The following PTH2R variants were observed in gnomAD, a reference collection of about 807,000 sequenced individuals.
PTH2R encodes parathyroid hormone 2 receptor.
A neutral mutation model predicts 60.3 loss-of-function variants in PTH2R; 59 were observed. That is an observed-to-expected ratio of 0.98 (90% CI 0.79 to 1.22). PTH2R has a LOEUF of 1.22. Ranked by LOEUF, PTH2R falls within the 50% of genes most tolerant of loss-of-function variation. The pLI, the probability that PTH2R is intolerant of heterozygous loss-of-function variation, is 0.00. For synonymous variants in PTH2R, 256 were observed against 243.8 expected, an observed-to-expected ratio of 1.05 and a Z score of -0.47; for missense variants, 749 against 682.6, an observed-to-expected ratio of 1.10 and a Z score of -1.08.
chr2:208,433,028 G>A (rs980894769), intron 2 of PTH2R, among the ~76,000 whole-genome samples: 1 of 152,032 alleles, frequency 6.6e-6, no homozygotes, highest in Non-Finnish European at 1.5e-5. Flanking sequence ...CAATCAAGTT[G>A]ACCCTAATAT....
chr2:208,424,448 C>T (rs1279296481), intron 1 of PTH2R, among the ~76,000 whole-genome samples: 1 of 152,128 alleles, frequency 6.6e-6, no homozygotes, highest in African/African-American at 2.4e-5. Flanking sequence ...TCCCATTATC[C>T]AGCAAATCAT....
intron 1 of PTH2R, among the ~76,000 whole-genome samples, chr2:208,387,017 CTATTTT>C (rs1341220988): frequency 6.6e-6 from 1 of 152,120 alleles, no homozygotes; most frequent in Admixed American, 6.5e-5. Context: ...CAATTTTAAT[CTATTTT>C]TATCTTTTCT....
In PTH2R at chr2:208,454,967, A is replaced by G. The variant is rs114607423; in HGVS notation, c.914+4158A>G. On this transcript the variant is annotated intron_variant, in intron 8 of 12. Coordinates refer to ENST00000272847, the MANE Select transcript of PTH2R (RefSeq NM_005048.4). ...CACTGTTCCTGAAAATTAGAACTGT[A>G]CAGAGTCATTGTCTTTAGGTGCAGC... is the stretch of plus-strand genomic sequence containing the variant. Among the ~76,000 whole-genome samples the G allele has an allele frequency of 7.4e-3, 1,120 of 152,332 alleles. 10 individuals carry two copies. Among genetic ancestry groups the G allele is most frequent in the African/African-American group, 0.025 (1,057 of 41,578 alleles).
At chr2:208,433,489 C>G (rs868680498) in intron 2 of PTH2R, among the ~76,000 whole-genome samples, 36 of 152,178 alleles carry the variant, frequency 2.4e-4, no homozygotes, top group African/African-American at 8.7e-4. Flanking sequence ...AGCTGTCAGA[C>G]TGTCTATACT....
intron 1 of PTH2R, among the ~76,000 whole-genome samples, chr2:208,427,506 G>A (rs1027106604): frequency 8.6e-5 from 13 of 151,816 alleles, no homozygotes; most frequent in African/African-American, 2.7e-4. Flanking sequence ...AAAAAAAATC[G>A]TTAAAGTAAA....
chr2:208,424,496 A>G (rs1478741827), intron 1 of PTH2R, among the ~76,000 whole-genome samples: 1 of 152,194 alleles, frequency 6.6e-6, no homozygotes, highest in African/African-American at 2.4e-5. Context: ...GCCCTGCTCC[A>G]CTTGCCAAGG....
chr2:208,420,419 T>C lies in PTH2R; in HGVS notation c.76-7782T>C, dbSNP rs976264303. On this transcript the variant is annotated intron_variant, in intron 1 of 12. Transcript: ENST00000272847. ...CCATGAGCATTGTATGAGGCTATTT[T>C]TTCCACACATATTTGCCAGCAGAAT... Among the ~76,000 whole-genome samples, 14 of 152,244 alleles carry C rather than the reference T, an allele frequency of 9.2e-5. No homozygotes were observed. The East Asian group carries it at 1.3e-3, about 15-fold the overall frequency.
intron 9 of PTH2R, among the ~76,000 whole-genome samples, chr2:208,470,278 T>C (rs1442319444): frequency 6.6e-6 from 1 of 152,194 alleles, no homozygotes; most frequent in East Asian, 1.9e-4. Flanking sequence ...TGTGTTACTC[T>C]CCCCATTCAC....
At chr2:208,462,093 TTG>T (rs1356711794) in intron 9 of PTH2R, among the ~76,000 whole-genome samples, 2 of 152,366 alleles carry the variant, frequency 1.3e-5, no homozygotes, top group East Asian at 3.9e-4. Context: ...AGTTACCTTT[TTG>T]TTTCATTATT....
intron 4 of PTH2R, 99 bp downstream of exon 4, chr2:208,437,980 T>C (rs1702109611): frequency 7.1e-7 from 1 of 1,404,900 alleles, no homozygotes; most frequent in African/African-American, 1.4e-5. Flanking sequence ...AACCCTCTTA[T>C]TCCACGACAC....
chr2:208,438,148 C>A lies in PTH2R; in HGVS notation c.411+267C>A, dbSNP rs1000184550. ...TTATTATGTTAGATTACATTGTTTA[C>A]TTGCATTATATTATGCTATATTATG... is the stretch of plus-strand genomic sequence containing the variant. On this transcript the variant is annotated intron_variant, in intron 4 of 12. Coordinates refer to ENST00000272847, the MANE Select transcript of PTH2R (RefSeq NM_005048.4). Among the ~76,000 whole-genome samples, 136 of 152,320 alleles carry A rather than the reference C, an allele frequency of 8.9e-4. 1 individual carries two copies. Among genetic ancestry groups the A allele is most frequent in the Non-Finnish European group, 1.6e-3 (108 of 68,032 alleles).
intron 2 of PTH2R, among the ~76,000 whole-genome samples, chr2:208,434,663 A>G (rs1296204744): frequency 6.6e-6 from 1 of 152,212 alleles, no homozygotes; most frequent in African/African-American, 2.4e-5. Flanking sequence ...ATGTGTGTCC[A>G]GGTCCAATTT....
chr2:208,446,133 A>G (rs891132016), intron 7 of PTH2R, among the ~76,000 whole-genome samples: 2 of 152,100 alleles, frequency 1.3e-5, no homozygotes, highest in African/African-American at 2.4e-5. Context: ...TTATTTTTCA[A>G]ATTTCTTCAT....
intron 1 of PTH2R, among the ~76,000 whole-genome samples, chr2:208,419,230 G>C (rs1701702776): frequency 6.6e-6 from 1 of 152,144 alleles, no homozygotes; most frequent in South Asian, 2.1e-4. Context: ...GTGTGAGATG[G>C]TATCTCATTG....
chr2:208,416,753 A>G (rs1282050940), intron 1 of PTH2R, among the ~76,000 whole-genome samples: 1 of 152,198 alleles, frequency 6.6e-6, no homozygotes, highest in East Asian at 1.9e-4. Context: ...CAGCATGGCT[A>G]GAATATAAAC....
intron 1 of PTH2R, among the ~76,000 whole-genome samples, chr2:208,367,338 AGTGCTGAGATTACAGAT>A (rs1700612316): frequency 6.6e-6 from 1 of 151,794 alleles, no homozygotes; most frequent in East Asian, 1.9e-4. Flanking sequence ...AGCCTCCCAA[AGTGCTGAGATTACAGAT>A]GTGAGCCACT....
chr2:208,442,975 G>A (rs1702216699), intron 5 of PTH2R, among the ~76,000 whole-genome samples: 2 of 152,110 alleles, frequency 1.3e-5, no homozygotes, highest in African/African-American at 4.8e-5. Flanking sequence ...TCAACAGACT[G>A]TGGATGGAAA....
intron 1 of PTH2R, among the ~76,000 whole-genome samples, chr2:208,378,049 C>G (rs1044063587): frequency 1.3e-5 from 2 of 151,870 alleles, no homozygotes; most frequent in Non-Finnish European, 2.9e-5. Context: ...TGTAGCTAGC[C>G]GAGATCACGC....
chr2:208,471,485 G>A (rs867227783), intron 9 of PTH2R, among the ~76,000 whole-genome samples: 5 of 152,338 alleles, frequency 3.3e-5, no homozygotes, highest in Admixed American at 1.3e-4. Context: ...GGCTTCAGAG[G>A]GTGCAAGCCC....
Sources: gnomAD v4.1 joint callset for allele counts (sites outside exome capture counted in the v4.1 genomes callset) on GRCh38, gnomAD v4.1.1 for gene constraint, MANE v1.5 for transcripts, NCBI Gene and HGNC (gene_info 2026-07-23, HGNC 2026-07-21) for gene names.